Variants in SV2C observed in about 807,000 individuals in gnomAD.
SV2C encodes the protein synaptic vesicle glycoprotein 2C.
Under a neutral mutation model 79.7 loss-of-function variants are expected in SV2C, and 49 were observed. The observed-to-expected ratio is 0.61, with a 90% CI of 0.49 to 0.78. The LOEUF is 0.78. Among genes scored for constraint, SV2C ranks in the 30% least tolerant of loss-of-function variants. The pLI is 0.00. For missense variants in SV2C, 833 were observed against 912.9 expected, an observed-to-expected ratio of 0.91 and a Z score of 1.13; for synonymous variants, 334 against 333.2, an observed-to-expected ratio of 1.00 and a Z score of -0.03.
the SV2C span, among the ~76,000 whole-genome samples, chr5:75,952,290 T>TTC: frequency 6.6e-4 from 53 of 80,906 alleles, no homozygotes; most frequent in African/African-American, 2.2e-3. Context: ...TTCCTTCCTT[T>TTC]CTTCCTTCCT....
the SV2C span, among the ~76,000 whole-genome samples, chr5:76,016,608 A>G: frequency 6.6e-6 from 1 of 152,228 alleles, no homozygotes; most frequent in Non-Finnish European, 1.5e-5. Flanking sequence ...GTAAAATGGT[A>G]TAAATGGTAA....
chr5:76,123,812 G>T (rs1005396049), intron 1 of SV2C, among the ~76,000 whole-genome samples: 4 of 152,160 alleles, frequency 2.6e-5, no homozygotes, highest in Non-Finnish European at 4.4e-5. Context: ...TCACAGCCAA[G>T]AATTACTAAA....
the SV2C span, among the ~76,000 whole-genome samples, chr5:76,074,062 A>G: frequency 7.9e-5 from 12 of 152,166 alleles, no homozygotes; most frequent in Non-Finnish European, 1.5e-4. Context: ...GATGGGTCAA[A>G]CCATCCTGGC....
chr5:75,891,604 G>A, the SV2C span, among the ~76,000 whole-genome samples: 23 of 151,808 alleles, frequency 1.5e-4, no homozygotes, highest in Non-Finnish European at 2.5e-4. Context: ...TGTTTTCATC[G>A]TTTCTGATGA....
chr5:75,989,189 G>T, the SV2C span, among the ~76,000 whole-genome samples: 4 of 151,526 alleles, frequency 2.6e-5, no homozygotes, highest in African/African-American at 9.7e-5. Context: ...AGGAGAATGC[G>T]CAGGTCTGTT....
At chr5:76,159,411 AATAAAC>A (rs1742834481) in intron 2 of SV2C, among the ~76,000 whole-genome samples, 1 of 152,128 alleles carries the variant, frequency 6.6e-6, no homozygotes. Flanking sequence ...CATTAAAACT[AATAAAC>A]AAGTCCAGCA....
the SV2C span, among the ~76,000 whole-genome samples, chr5:76,037,073 C>G: frequency 1.3e-5 from 2 of 151,960 alleles, no homozygotes; most frequent in African/African-American, 2.4e-5. Flanking sequence ...ATGTAGTTCT[C>G]GAGCCTTGGT....
At chr5:75,969,021 C>T in the SV2C span, among the ~76,000 whole-genome samples, 1 of 152,172 alleles carries the variant, frequency 6.6e-6, no homozygotes, top group African/African-American at 2.4e-5. Flanking sequence ...GGCCAATATT[C>T]AACATTCTTA....
At chr5:76,073,529 ATATATATATAT>A in the SV2C span, among the ~76,000 whole-genome samples, 30 of 129,518 alleles carry the variant, frequency 2.3e-4, 3 homozygotes, top group African/African-American at 8.5e-4. Context: ...ATATATATAT[ATATATATATAT>A]ATATACACCA....
the SV2C span, among the ~76,000 whole-genome samples, chr5:76,016,196 A>G: frequency 1.3e-5 from 2 of 148,178 alleles, no homozygotes; most frequent in Non-Finnish European, 3.0e-5. Flanking sequence ...CATAGGAATT[A>G]CACCCTCAAA....
At chr5:75,891,912 C>A in the SV2C span, among the ~76,000 whole-genome samples, 40 of 152,118 alleles carry the variant, frequency 2.6e-4, no homozygotes, top group African/African-American at 9.4e-4. Context: ...GCTAGAGGGG[C>A]CTGCAATGGT....
At chr5:76,178,017 C>A (rs897730751) in intron 2 of SV2C, among the ~76,000 whole-genome samples, 2 of 152,078 alleles carry the variant, frequency 1.3e-5, no homozygotes, top group Admixed American at 1.3e-4. Context: ...ATACATTTTT[C>A]ATAAGTCTGT....
the SV2C span, among the ~76,000 whole-genome samples, chr5:76,009,002 C>T: frequency 3.5e-4 from 53 of 152,242 alleles, 1 homozygote; most frequent in East Asian, 3.1e-3. Flanking sequence ...GGTGCACTTC[C>T]TCAGCTGCTT....
intron 12 of SV2C, among the ~76,000 whole-genome samples, chr5:76,348,947 C>T (rs920785857): frequency 1.3e-5 from 2 of 152,148 alleles, no homozygotes; most frequent in East Asian, 1.9e-4. Flanking sequence ...TGCAGCGAGC[C>T]GAGACCATAC....
the SV2C span, among the ~76,000 whole-genome samples, chr5:75,890,753 A>G: frequency 6.6e-6 from 1 of 152,018 alleles, no homozygotes; most frequent in African/African-American, 2.4e-5. Context: ...TCATTTGTTG[A>G]CTTTGGTACT....
chr5:75,917,253 A>T, the SV2C span, among the ~76,000 whole-genome samples: 1 of 152,170 alleles, frequency 6.6e-6, no homozygotes, highest in Non-Finnish European at 1.5e-5. Context: ...CCAAACCTTT[A>T]AAAAACCCAA....
chr5:76,037,824 CG>C, the SV2C span, among the ~76,000 whole-genome samples: 2 of 152,236 alleles, frequency 1.3e-5, no homozygotes, highest in Non-Finnish European at 2.9e-5. Flanking sequence ...TGGGCAATGT[CG>C]GGCGCCCCTC....
intron 11 of SV2C, 133 bp downstream of exon 11, chr5:76,301,065 T>A: frequency 2.0e-6 from 2 of 991,044 alleles, no homozygotes; most frequent in Non-Finnish European, 3.0e-6. Flanking sequence ...ACGTTGGGAC[T>A]AAATTATAGT....
At chr5:75,950,112 G>A in the SV2C span, among the ~76,000 whole-genome samples, 1 of 152,144 alleles carries the variant, frequency 6.6e-6, no homozygotes, top group Middle Eastern at 3.4e-3. Context: ...ACTGAGCCCT[G>A]GGGCACTGTT....
Sources: allele counts gnomAD v4.1 joint callset (sites outside exome capture counted in the v4.1 genomes callset), GRCh38; gene constraint gnomAD v4.1.1; transcripts MANE v1.5; gene names NCBI Gene and HGNC (gene_info 2026-07-23, HGNC 2026-07-21).